SDK2: variants seen among roughly 807,000 people sequenced by gnomAD.
SDK2 encodes sidekick cell adhesion molecule 2, also known as protein sidekick-2.
Under a neutral mutation model 253.9 loss-of-function variants are expected in SDK2, and 105 were observed. The ratio of observed to expected loss-of-function variants is 0.41; its 90% CI spans 0.35 to 0.49. The LOEUF (loss-of-function observed/expected upper bound fraction) is 0.49, where lower values mean the gene tolerates loss of function less well. Among genes scored for constraint, SDK2 ranks in the 20% least tolerant of loss-of-function variants. The pLI is 0.06. For missense variants in SDK2, 2,608 were observed against 3,003.0 expected (o/e 0.87, Z 3.07); for synonymous variants, 1,249 against 1,234.9 (o/e 1.01, Z -0.24).
intron 2 of SDK2, among the ~76,000 whole-genome samples, chr17:73,477,063 C>T (rs1390699401): frequency 6.6e-6 from 1 of 152,248 alleles, no homozygotes. Context: ...AAACCCACTT[C>T]ACTCCACCCA....
chr17:73,394,297 G>C lies in SDK2; in HGVS notation c.3620C>G (p.Ser1207Cys), dbSNP rs748530818. Residue 1207 changes from serine to cysteine, a missense_variant, in exon 26 of 45, where the codon TCT (serine) becomes TGT (cysteine). Physicochemically the swap from Ser to Cys is moderately radical, Grantham distance 112. Transcript: ENST00000392650. ...GCTGCTGGAGGTGGTGGCCAGTGCAGACACATTGGTGGGGCCGGAAGAGGG... is the reference window on the plus strand; with the variant it reads ...GCTGCTGGAGGTGGTGGCCAGTGCACACACATTGGTGGGGCCGGAAGAGGG... Reference protein sequence around the residue: ...SVPSSGPTNVSALATTSSSML... With the variant: ...SVPSSGPTNVCALATTSSSML... 1.9e-6 allele frequency: 3 copies of C among 1,599,022 alleles called. No homozygotes were observed. The highest frequency in any genetic ancestry group is 2.6e-6 in the Non-Finnish European group (3 of 1,171,002).
intron 1 of SDK2, among the ~76,000 whole-genome samples, chr17:73,641,989 G>A (rs1200519149): frequency 1.3e-5 from 2 of 152,190 alleles, no homozygotes; most frequent in Non-Finnish European, 2.9e-5. Context: ...GAACACGAGC[G>A]GAGCAGCAGG....
intron 1 of SDK2, among the ~76,000 whole-genome samples, chr17:73,632,123 G>C (rs2046278840): frequency 6.6e-6 from 1 of 152,270 alleles, no homozygotes; most frequent in South Asian, 2.1e-4. Context: ...CATGGCCATA[G>C]GCCAGCCATA....
chr17:73,444,506 G>A (rs9892201), intron 5 of SDK2, among the ~76,000 whole-genome samples: 8,148 of 152,262 alleles, frequency 0.054, 565 homozygotes, highest in East Asian at 0.34. Context: ...CTCCCCACAC[G>A]GGGGGCCTCA....
chr17:73,365,005 G>A lies in SDK2; in HGVS notation c.5305+253C>T, dbSNP rs1466592560. Among the ~76,000 whole-genome samples the A allele has an allele frequency of 2.0e-5, 3 of 152,136 alleles. No individual in the cohort carries two copies. The South Asian group carries it at 6.2e-4, about 32-fold the overall frequency. ...CTCCCTGTTTCCGTTGACCAAAGGGGGAAGAATATATTTAACGATTCTCTG... is the reference window on the plus strand; with the variant it reads ...CTCCCTGTTTCCGTTGACCAAAGGGAGAAGAATATATTTAACGATTCTCTG... On this transcript the variant is annotated intron_variant, in intron 38 of 44. Transcript: ENST00000392650.
chr17:73,353,908 T>A (rs1301041284), intron 40 of SDK2, among the ~76,000 whole-genome samples: 3 of 152,040 alleles, frequency 2.0e-5, no homozygotes, highest in Non-Finnish European at 4.4e-5. Context: ...TTTCATCATG[T>A]TGGCCAGGCT....
intron 28 of SDK2, among the ~76,000 whole-genome samples, chr17:73,391,156 C>T (rs372683032): frequency 2.6e-5 from 4 of 152,176 alleles, no homozygotes; most frequent in East Asian, 1.9e-4. Context: ...GAACAGCGTC[C>T]GAGGTTTACC....
At chr17:73,362,964 T>TGG (rs2062654021) in intron 38 of SDK2, among the ~76,000 whole-genome samples, 1 of 152,264 alleles carries the variant, frequency 6.6e-6, no homozygotes, top group Admixed American at 6.5e-5. Context: ...TCCCTTAACT[T>TGG]GGCTTCAGTT....
chr17:73,500,239 ACCATCCTCCGT>A (rs1384037944), intron 2 of SDK2, among the ~76,000 whole-genome samples: 1 of 69,302 alleles, frequency 1.4e-5, no homozygotes. Context: ...TCCCTTCTCC[ACCATCCTCCGT>A]CCATCCTCCT....
At chr17:73,523,072 G>T (rs1286562197) in intron 1 of SDK2, among the ~76,000 whole-genome samples, 2 of 152,194 alleles carry the variant, frequency 1.3e-5, no homozygotes, top group Non-Finnish European at 2.9e-5. Flanking sequence ...GAAAACCGAC[G>T]CAGAAGAGAC....
chr17:73,398,790 C>T (rs2062993962), intron 22 of SDK2, among the ~76,000 whole-genome samples: 1 of 152,196 alleles, frequency 6.6e-6, no homozygotes, highest in Non-Finnish European at 1.5e-5. Flanking sequence ...TCCAGAGACC[C>T]AGGCTGCCCC....
intron 1 of SDK2, among the ~76,000 whole-genome samples, chr17:73,523,240 G>A (rs2064097426): frequency 6.6e-6 from 1 of 151,844 alleles, no homozygotes; most frequent in Non-Finnish European, 1.5e-5. Flanking sequence ...CCTTTTTGAG[G>A]ATGTCTGGTT....
intron 3 of SDK2, among the ~76,000 whole-genome samples, chr17:73,462,447 TATACACAC>T (rs1426295446): frequency 6.6e-6 from 1 of 152,184 alleles, no homozygotes; most frequent in African/African-American, 2.4e-5. Context: ...GGTATATATA[TATACACAC>T]ACACATACAT....
At position 73,346,211 on chromosome 17, in the gene SDK2, GA is replaced by G. The variant is rs966595517; in HGVS notation, c.6165+2387del. On this transcript the variant is annotated intron_variant, in intron 44 of 44. Coordinates refer to ENST00000392650, the MANE Select transcript of SDK2 (RefSeq NM_001144952.2). ...CAACGAGGGCGAAACTCCGTCTCAAGAAAAAAAAAAAAAAAGAAAAAGAAAA... is the reference window on the plus strand; with the variant it reads ...CAACGAGGGCGAAACTCCGTCTCAAGAAAAAAAAAAAAAAGAAAAAGAAAA... Among the ~76,000 whole-genome samples the G allele has an allele frequency of 3.0e-3, 337 of 111,914 alleles. 1 individual carries two copies. Among genetic ancestry groups the G allele is most frequent in the African/African-American group, 4.2e-3 (128 of 30,810 alleles). 73.4% of individuals were successfully genotyped at this position (111,914 alleles called of 152,430 possible). A position where few individuals can be genotyped will look rare whatever the true frequency, so the allele number is the denominator to read the frequency against.
intron 2 of SDK2, among the ~76,000 whole-genome samples, chr17:73,491,102 G>A (rs1448303685): frequency 9.2e-5 from 14 of 152,196 alleles, no homozygotes; most frequent in Admixed American, 9.2e-4. Flanking sequence ...AGTGTGCTTA[G>A]GATATGGGCT....
chr17:73,401,711 C>G lies in SDK2; in HGVS notation c.2722G>C (p.Asp908His), dbSNP rs1169717078. The G allele has an allele frequency of 1.9e-6, 3 of 1,594,380 alleles. No homozygotes were observed. In the African/African-American group the frequency reaches 4.0e-5, roughly 21 times the overall value. Residue 908 changes from aspartate to histidine, a missense_variant, in exon 20 of 45, where the codon GAC (aspartate) becomes CAC (histidine). Asp to His is a moderately conservative substitution (Grantham distance 81). Transcript: ENST00000392650. ...TGCCAGCTGACCTTCAGCGATGTGT[C>G]CAGGATCTCACTGAAGCTCAGGTGT... ...VGHLSFSEIL[D>H]TSLKVSWQEP...
rs368162730 is a variant in SDK2, at chr17:73,511,404, C to T, written c.65-3807G>A. Among the ~76,000 whole-genome samples the T allele has an allele frequency of 2.0e-5, 3 of 152,204 alleles. No homozygotes were observed. The highest frequency in any genetic ancestry group is 7.2e-5 in the African/African-American group (3 of 41,452). ...AGACGCCCTCGCCTCTGTAAACCTG[C>T]TCACTGGGCAATTTCCTCCCAGGTC... On this transcript the variant is annotated intron_variant, in intron 1 of 44. Transcript: ENST00000392650. The surrounding 1 kb of genome is among the most constrained non-coding windows in gnomAD (Gnocchi z 4.9).
intron 1 of SDK2, among the ~76,000 whole-genome samples, chr17:73,614,980 A>T (rs1382780670): frequency 3.7e-4 from 2 of 5,474 alleles, no homozygotes; most frequent in African/African-American, 2.1e-3. Context: ...AATAGAAGAT[A>T]AAAAAAAAAA....
At chr17:73,519,504 C>T (rs1171277197) in intron 1 of SDK2, 2 of 152,306 alleles carry the variant, frequency 1.3e-5, no homozygotes, top group East Asian at 3.9e-4. Flanking sequence ...CGAGGCTGCT[C>T]AGCCCAGGGA....
Sources: allele counts gnomAD v4.1 joint callset (sites outside exome capture counted in the v4.1 genomes callset), GRCh38; gene constraint gnomAD v4.1.1; non-coding constraint Gnocchi (gnomAD v3.1); transcripts MANE v1.5; gene names NCBI Gene and HGNC (gene_info 2026-07-23, HGNC 2026-07-21).